The following SLCO3A1 variants were observed in gnomAD, a reference collection of about 807,000 sequenced individuals.
SLCO3A1 encodes solute carrier organic anion transporter family member 3A1, also known as PGE1 transporter.
SLCO3A1 carries 27 observed loss-of-function variants against 63.1 expected under a neutral mutation model. That is an observed-to-expected ratio of 0.43 (90% confidence interval 0.32 to 0.59). The LOEUF (loss-of-function observed/expected upper bound fraction) is 0.59, where lower values mean the gene tolerates loss of function less well. Ranked by LOEUF, SLCO3A1 falls within the 20% of genes least tolerant of loss-of-function variation. The probability of loss-of-function intolerance (pLI) is 0.09; values close to 1 mark genes in which losing one functional copy is unlikely to be tolerated. For missense variants in SLCO3A1, 773 were observed against 945.8 expected, an observed-to-expected ratio of 0.82 and a Z score of 2.40; for synonymous variants, 473 against 409.9, an observed-to-expected ratio of 1.15 and a Z score of -1.86.
intron 2 of SLCO3A1, among the ~76,000 whole-genome samples, chr15:92,035,883 C>T (rs899980023): frequency 1.3e-5 from 2 of 151,802 alleles, no homozygotes; most frequent in Non-Finnish European, 2.9e-5. Flanking sequence ...GGTGGTACCA[C>T]AATTTGGGTC....
At chr15:92,093,958 A>G (rs1031522068) in intron 2 of SLCO3A1, among the ~76,000 whole-genome samples, 3 of 152,124 alleles carry the variant, frequency 2.0e-5, no homozygotes, top group African/African-American at 7.2e-5. Flanking sequence ...TTACCCATGC[A>G]CTGACTGTCC....
rs537163643 is a variant in SLCO3A1 at position 92,095,836 on chromosome 15, A to G, written c.745+857A>G. Among the ~76,000 whole-genome samples the G allele has an allele frequency of 3.3e-5, 5 of 152,288 alleles. No individual in the cohort carries two copies. In the South Asian group the frequency reaches 1.0e-3, roughly 32 times the overall value. On this transcript the variant is annotated intron_variant, in intron 3 of 9. Transcript: ENST00000318445. ...CCCACAGAAGTTCCATCCTGACCCC[A>G]GCTTGCACAGTTACCAAGACAGGAA...
intron 2 of SLCO3A1, among the ~76,000 whole-genome samples, chr15:91,997,900 A>T (rs979361566): frequency 2.6e-5 from 4 of 152,204 alleles, no homozygotes; most frequent in African/African-American, 9.6e-5. Context: ...CTCAAACTAT[A>T]AGAATCCTAG....
chr15:92,145,515 G>A (rs1030468720), intron 7 of SLCO3A1, among the ~76,000 whole-genome samples: 4 of 152,176 alleles, frequency 2.6e-5, no homozygotes, highest in African/African-American at 9.7e-5. Context: ...TCTCCTCCAG[G>A]AGGCATGTAA....
At chr15:92,075,603 G>C (rs1339306785) in intron 2 of SLCO3A1, among the ~76,000 whole-genome samples, 1 of 152,268 alleles carries the variant, frequency 6.6e-6, no homozygotes. Context: ...GCAGGCGAAT[G>C]CTGGCTCCCT....
chr15:92,139,347 GC>G (rs1229780377), intron 7 of SLCO3A1, among the ~76,000 whole-genome samples: 1 of 151,230 alleles, frequency 6.6e-6, no homozygotes, highest in African/African-American at 2.4e-5. Context: ...TGGTGGATAA[GC>G]TTTTTGATGT....
intron 9 of SLCO3A1, among the ~76,000 whole-genome samples, chr15:92,156,521 C>G (rs2048373615): frequency 6.6e-6 from 1 of 152,202 alleles, no homozygotes; most frequent in South Asian, 2.1e-4. Flanking sequence ...GCTCTCTGGG[C>G]CTTACCAACT....
intron 1 of SLCO3A1, among the ~76,000 whole-genome samples, chr15:91,868,539 G>A (rs553009256): frequency 3.9e-5 from 6 of 152,012 alleles, no homozygotes; most frequent in Non-Finnish European, 7.4e-5. Context: ...GTCTCTCTCC[G>A]TCTACCTGCA....
chr15:92,075,954 G>A (rs1000449770), intron 2 of SLCO3A1, among the ~76,000 whole-genome samples: 1 of 152,194 alleles, frequency 6.6e-6, no homozygotes, highest in African/African-American at 2.4e-5. Flanking sequence ...GTTCCTATCA[G>A]AAAACTGCAG....
chr15:92,123,151 G>C (rs112131603), intron 5 of SLCO3A1, among the ~76,000 whole-genome samples: 2 of 152,276 alleles, frequency 1.3e-5, no homozygotes, highest in African/African-American at 2.4e-5. Flanking sequence ...TAGGCCAGGC[G>C]TGGTGGCTCA....
chr15:91,956,421 A>C (rs771756727), intron 2 of SLCO3A1, among the ~76,000 whole-genome samples: 1 of 152,144 alleles, frequency 6.6e-6, no homozygotes, highest in East Asian at 1.9e-4. Context: ...AGCTTTGCAG[A>C]TCTGCAGGCA....
intron 1 of SLCO3A1, among the ~76,000 whole-genome samples, chr15:91,892,453 C>G (rs770589677): frequency 6.6e-6 from 1 of 152,172 alleles, no homozygotes; most frequent in African/African-American, 2.4e-5. Flanking sequence ...TACCTGTGAA[C>G]AAGGTAACTG....
At chr15:92,032,109 C>T (rs146206254) in intron 2 of SLCO3A1, among the ~76,000 whole-genome samples, 21 of 152,322 alleles carry the variant, frequency 1.4e-4, no homozygotes, top group Non-Finnish European at 2.5e-4. Flanking sequence ...CACTGTGTGT[C>T]TTTCACTTAG....
chr15:92,050,169 T>C (rs1485449927), intron 2 of SLCO3A1, among the ~76,000 whole-genome samples: 1 of 152,232 alleles, frequency 6.6e-6, no homozygotes, highest in African/African-American at 2.4e-5. Flanking sequence ...GGACTTTTTC[T>C]GGTGATGCTG....
At chr15:92,119,647 G>A (rs943460555) in intron 4 of SLCO3A1, among the ~76,000 whole-genome samples, 1 of 152,198 alleles carries the variant, frequency 6.6e-6, no homozygotes, top group South Asian at 2.1e-4. Context: ...CACTGGGGCT[G>A]GACTGGAGGG....
At position 91,916,612 on chromosome 15, in the gene SLCO3A1, A is replaced by G. The variant is rs1265987554; in HGVS notation, c.646+154A>G. On this transcript the variant is annotated intron_variant, in intron 2 of 9. Coordinates refer to ENST00000318445, the MANE Select transcript of SLCO3A1 (RefSeq NM_013272.4). The surrounding 1 kb of genome is among the most constrained non-coding windows in gnomAD (Gnocchi z 6.2). Reference sequence around the variant, plus strand: ...AAAAATACTCATGCCTGGGGGTGCAACCTGGGCATTGAGACGTTTTTAAAA... The same window carrying G: ...AAAAATACTCATGCCTGGGGGTGCAGCCTGGGCATTGAGACGTTTTTAAAA... 6.6e-6 allele frequency among the ~76,000 whole-genome samples: 1 copy of G among 152,170 alleles called. No homozygotes were observed. The highest frequency in any genetic ancestry group is 1.9e-4 in the East Asian group (1 of 5,188).
At chr15:91,963,410 G>C (rs1567041074) in intron 2 of SLCO3A1, among the ~76,000 whole-genome samples, 12 of 124,194 alleles carry the variant, frequency 9.7e-5, no homozygotes, top group Non-Finnish European at 2.1e-4. Flanking sequence ...GGGGAGGGTG[G>C]GGGGGGGGGG....
At position 92,081,539 on chromosome 15, in the gene SLCO3A1, A is replaced by G. The variant is rs543485724; in HGVS notation, c.647-13342A>G. Among the ~76,000 whole-genome samples the G allele has an allele frequency of 1.3e-3, 193 of 151,930 alleles. 1 individual carries two copies. The highest frequency in any genetic ancestry group is 3.6e-3 in the African/African-American group (149 of 41,416). On this transcript the variant is annotated intron_variant, in intron 2 of 9. Coordinates refer to ENST00000318445, the MANE Select transcript of SLCO3A1 (RefSeq NM_013272.4). ...GTGCCCACCACCATGCCTGGCTTTT[A>G]TATTTTTAGTAGAGATAAGGTTTTC...
chr15:92,068,849 C>G lies in SLCO3A1; in HGVS notation c.647-26032C>G, dbSNP rs569551349. On this transcript the variant is annotated intron_variant, in intron 2 of 9. Transcript: ENST00000318445. ...GGCTTTGGACTCACCTGCCCTGTCA[C>G]TCACAGCTGTGTGACACTGGACATT... is the stretch of plus-strand genomic sequence containing the variant. Among the ~76,000 whole-genome samples the G allele has an allele frequency of 5.3e-5, 8 of 152,350 alleles. No homozygotes were observed. The South Asian group carries it at 1.7e-3, about 32-fold the overall frequency.
Sources: gnomAD v4.1 joint callset for allele counts (sites outside exome capture counted in the v4.1 genomes callset) on GRCh38, gnomAD v4.1.1 for gene constraint, Gnocchi (gnomAD v3.1) non-coding constraint, MANE v1.5 for transcripts, NCBI Gene and HGNC (gene_info 2026-07-23, HGNC 2026-07-21) for gene names.